Variants in CLNK observed in about 807,000 individuals in gnomAD.
CLNK encodes the protein cytokine dependent hematopoietic cell linker.
In CLNK, 74 loss-of-function variants were observed where a neutral mutation model predicts 68.6. The observed-to-expected ratio is 1.08, with a 90% confidence interval of 0.89 to 1.31. The LOEUF (loss-of-function observed/expected upper bound fraction) is 1.31. Among genes scored for constraint, CLNK ranks in the 50% most tolerant of loss-of-function variants. The pLI is 0.00. For missense variants in CLNK, 553 were observed against 515.3 expected (o/e 1.07, Z -0.71); for synonymous variants, 198 against 172.2 (o/e 1.15, Z -1.17).
At chr4:10,525,105 C>A (rs1718249708) in intron 14 of CLNK, among the ~76,000 whole-genome samples, 1 of 152,132 alleles carries the variant, frequency 6.6e-6, no homozygotes, top group Non-Finnish European at 1.5e-5. Context: ...CACTCTGTCG[C>A]CCAGGCTGGA....
intron 4 of CLNK, among the ~76,000 whole-genome samples, chr4:10,573,590 A>G (rs6448095): frequency 0.74 from 112,008 of 152,112 alleles, 42,081 homozygotes; most frequent in East Asian, 0.85. Context: ...CTGGCCCGGA[A>G]GGAGCAAATG....
At chr4:10,548,379 A>G (rs191945472) in intron 8 of CLNK, among the ~76,000 whole-genome samples, 1 of 152,180 alleles carries the variant, frequency 6.6e-6, no homozygotes, top group Non-Finnish European at 1.5e-5. Context: ...CAGTTGTATC[A>G]GTTCCTTGTC....
the CLNK span, among the ~76,000 whole-genome samples, chr4:10,714,683 G>GGTGTGT: frequency 2.1e-3 from 315 of 148,630 alleles, no homozygotes; most frequent in Middle Eastern, 0.011. Flanking sequence ...CATTCATTGT[G>GGTGTGT]GTGTGTGTGT....
chr4:10,711,701 A>G, the CLNK span, among the ~76,000 whole-genome samples: 1 of 152,194 alleles, frequency 6.6e-6, no homozygotes, highest in Non-Finnish European at 1.5e-5. Context: ...TCTCCCAGAG[A>G]ACCTGGGTGA....
intron 15 of CLNK, 111 bp from the exon 16 acceptor site, chr4:10,513,708 T>C: frequency 9.4e-7 from 1 of 1,060,954 alleles, no homozygotes; most frequent in South Asian, 1.9e-5. Context: ...TGTGAGGACC[T>C]TCTTGGTCAA....
intron 2 of CLNK, among the ~76,000 whole-genome samples, chr4:10,616,857 A>G (rs1722256681): frequency 6.8e-6 from 1 of 147,490 alleles, no homozygotes; most frequent in South Asian, 2.1e-4. Context: ...ATTGTTCAAC[A>G]TTTACTAAAA....
At chr4:10,505,514 C>T (rs958516587) in intron 17 of CLNK, among the ~76,000 whole-genome samples, 2 of 152,158 alleles carry the variant, frequency 1.3e-5, no homozygotes, top group African/African-American at 4.8e-5. Context: ...AAAACAGAAG[C>T]GTATTCTCTT....
chr4:10,723,945 CTT>C, the CLNK span, among the ~76,000 whole-genome samples: 23 of 71,778 alleles, frequency 3.2e-4, no homozygotes, highest in African/African-American at 8.5e-4. Flanking sequence ...GCTTTGGTAA[CTT>C]TTATGTGTGG....
chr4:10,517,090 C>T (rs1238893683), intron 15 of CLNK, among the ~76,000 whole-genome samples: 1 of 152,048 alleles, frequency 6.6e-6, no homozygotes, highest in Non-Finnish European at 1.5e-5. Context: ...GAAGAATCTG[C>T]ACCTTCAGAA....
chr4:10,584,262 C>T (rs1720893289), intron 4 of CLNK, among the ~76,000 whole-genome samples: 1 of 152,142 alleles, frequency 6.6e-6, no homozygotes, highest in Admixed American at 6.5e-5. Flanking sequence ...TTTCAAATGC[C>T]TTTGCTGATT....
the CLNK span, among the ~76,000 whole-genome samples, chr4:10,707,323 A>G: frequency 6.6e-6 from 1 of 152,280 alleles, no homozygotes; most frequent in East Asian, 1.9e-4. Context: ...CATGTGGCCC[A>G]TGGGCCATGA....
chr4:10,631,237 G>A (rs1722879137), intron 2 of CLNK, among the ~76,000 whole-genome samples: 1 of 152,182 alleles, frequency 6.6e-6, no homozygotes, highest in African/African-American at 2.4e-5. Context: ...CATATTGATT[G>A]AAAAGCACAT....
chr4:10,524,085 GAA>G (rs376436240), intron 14 of CLNK: 101 of 146,848 alleles, frequency 6.9e-4, no homozygotes, highest in Admixed American at 1.8e-3. Flanking sequence ...AAAGAAAAGA[GAA>G]GAGGAGGAGG....
the CLNK span, among the ~76,000 whole-genome samples, chr4:10,730,641 G>A: frequency 1.3e-5 from 2 of 152,000 alleles, no homozygotes; most frequent in African/African-American, 4.8e-5. Flanking sequence ...CTCCCAGCAC[G>A]TTGAGATCAA....
the CLNK span, among the ~76,000 whole-genome samples, chr4:10,711,849 T>A: frequency 7.9e-5 from 12 of 152,304 alleles, no homozygotes; most frequent in South Asian, 2.5e-3. Context: ...TGACTACTCC[T>A]GTGATCTGCA....
chr4:10,696,318 G>A, the CLNK span, among the ~76,000 whole-genome samples: 2 of 152,112 alleles, frequency 1.3e-5, no homozygotes, highest in African/African-American at 2.4e-5. Context: ...CTCAACATGG[G>A]CTTCATCTGC....
At chr4:10,502,743 A>G (rs1300755584) in intron 17 of CLNK, among the ~76,000 whole-genome samples, 1 of 152,008 alleles carries the variant, frequency 6.6e-6, no homozygotes, top group Non-Finnish European at 1.5e-5. Context: ...ATCAAACTGA[A>G]TGGAGAGGCC....
intron 2 of CLNK, among the ~76,000 whole-genome samples, chr4:10,653,829 A>T (rs1158808541): frequency 6.6e-6 from 1 of 152,258 alleles, no homozygotes; most frequent in African/African-American, 2.4e-5. Flanking sequence ...GAACATCATT[A>T]TAGGCACAAC....
intron 1 of CLNK, among the ~76,000 whole-genome samples, chr4:10,675,339 T>C (rs1043976070): frequency 1.3e-5 from 2 of 152,200 alleles, no homozygotes; most frequent in African/African-American, 4.8e-5. Context: ...AGTGAATGTT[T>C]TAAGAAGCAG....
Sources: gnomAD v4.1 joint callset for allele counts (sites outside exome capture counted in the v4.1 genomes callset) on GRCh38, gnomAD v4.1.1 for gene constraint, MANE v1.5 for transcripts, NCBI Gene and HGNC (gene_info 2026-07-23, HGNC 2026-07-21) for gene names.